Variants in EYS observed in about 807,000 individuals in gnomAD.
The protein encoded by EYS is protein eyes shut homolog.
Under a neutral mutation model 282.1 loss-of-function variants are expected in EYS, and 250 were observed. The ratio of observed to expected loss-of-function variants is 0.89; its 90% CI spans 0.80 to 0.98. EYS has a LOEUF of 0.98. EYS is among the 50% of genes least tolerant of loss of function. The pLI is 0.00. For synonymous variants in EYS, 1,355 were observed against 1,282.9 expected (o/e 1.06, Z -1.20); for missense variants, 4,016 against 3,709.0 (o/e 1.08, Z -2.15).
intron 12 of EYS, among the ~76,000 whole-genome samples, chr6:65,077,798 T>A (rs574178256): frequency 2.3e-4 from 35 of 152,202 alleles, no homozygotes; most frequent in African/African-American, 7.7e-4. Context: ...AAGTAAGATG[T>A]CTATCAAAGT....
At chr6:65,193,145 A>G (rs1320171944) in intron 12 of EYS, among the ~76,000 whole-genome samples, 1 of 151,922 alleles carries the variant, frequency 6.6e-6, no homozygotes, top group Non-Finnish European at 1.5e-5. Flanking sequence ...GAAGTAGAAT[A>G]AATCCTTAAC....
chr6:64,863,441 A>G (rs1344285286), intron 19 of EYS, among the ~76,000 whole-genome samples: 1 of 152,214 alleles, frequency 6.6e-6, no homozygotes, highest in Admixed American at 6.5e-5. Flanking sequence ...TTTACTTCCC[A>G]GATATAGATC....
rs558479807 is a variant in EYS at position 64,712,866 on chromosome 6, G to A, written c.3444-86621C>T. On this transcript the variant is annotated intron_variant, in intron 22 of 42. Transcript: ENST00000503581. ...AACAGAAGACAACTATGCAACAAGA[G>A]AGCCAAATTCTCAAAGGCAATGGAG... Among the ~76,000 whole-genome samples the A allele has an allele frequency of 4.6e-5, 7 of 152,280 alleles. No individual in the cohort carries two copies. In the South Asian group the frequency reaches 1.5e-3, roughly 32 times the overall value.
At chr6:65,441,802 A>T (rs1179152094) in intron 5 of EYS, among the ~76,000 whole-genome samples, 2 of 152,120 alleles carry the variant, frequency 1.3e-5, no homozygotes, top group Non-Finnish European at 2.9e-5. Flanking sequence ...GGACACTGAG[A>T]ACCAGAGAAA....
intron 12 of EYS, among the ~76,000 whole-genome samples, chr6:65,173,321 G>A (rs1765148608): frequency 6.6e-6 from 1 of 151,328 alleles, no homozygotes; most frequent in Non-Finnish European, 1.5e-5. Context: ...ATATTTAGCA[G>A]GAGTGAATGA....
In EYS at chr6:63,900,862, G is replaced by A. The variant is rs537001572; in HGVS notation, c.7056-36504C>T. ...GCTGCACATTCTGGAGGAGACAGAC[G>A]TCATAAATTTAGGCAAGTTTACTAA... On this transcript the variant is annotated intron_variant, in intron 35 of 42. Transcript: ENST00000503581. Among the ~76,000 whole-genome samples, 11 of 152,238 alleles carry A rather than the reference G, an allele frequency of 7.2e-5. No homozygotes were observed. In the South Asian group the frequency reaches 8.3e-4, roughly 11 times the overall value.
At chr6:64,518,779 G>GCCCCC (rs10626520) in intron 26 of EYS, among the ~76,000 whole-genome samples, 57 of 146,872 alleles carry the variant, frequency 3.9e-4, no homozygotes, top group South Asian at 1.5e-3. Flanking sequence ...GTTTATAAGG[G>GCCCCC]GCCCCCCCCT....
chr6:64,608,157 A>G (rs972000604), intron 24 of EYS, among the ~76,000 whole-genome samples: 2 of 152,170 alleles, frequency 1.3e-5, no homozygotes, highest in Admixed American at 6.5e-5. Flanking sequence ...AGTTGTGATT[A>G]ACACCACAAT....
chr6:64,898,428 T>C (rs1471535594), intron 18 of EYS, among the ~76,000 whole-genome samples: 1 of 152,020 alleles, frequency 6.6e-6, no homozygotes, highest in Non-Finnish European at 1.5e-5. Flanking sequence ...CCACCAAGCC[T>C]GCCTTACAAC....
intron 1 of EYS, among the ~76,000 whole-genome samples, chr6:65,662,837 A>AAT: frequency 6.6e-6 from 1 of 152,290 alleles, no homozygotes; most frequent in Non-Finnish European, 1.5e-5. Flanking sequence ...AAGTTAGTCA[A>AAT]GGTTGTTATA....
intron 29 of EYS, among the ~76,000 whole-genome samples, chr6:64,355,096 A>C (rs537217465): frequency 6.6e-6 from 1 of 151,762 alleles, no homozygotes; most frequent in African/African-American, 2.4e-5. Context: ...TACTCATGAA[A>C]TAATAAGTTA....
chr6:64,142,066 AGACCGGACAATAAGTGGTGAAT>A (rs1264639396), intron 31 of EYS, among the ~76,000 whole-genome samples: 2 of 152,110 alleles, frequency 1.3e-5, no homozygotes, highest in African/African-American at 4.8e-5. Flanking sequence ...GGAGCAAAGC[AGACCGGACAATAAGTGGTGAAT>A]GCCTAGGAGT....
Position 63,999,195 on chromosome 6 carries a change from A to G in EYS, c.6726-12T>C, listed in dbSNP as rs545960584. 8.7e-5 allele frequency: 133 copies of G among 1,525,386 alleles called. 2 individuals are homozygous for G. The South Asian group carries it at 1.4e-3, about 17-fold the overall frequency. The allele number at this position is 1,525,386 out of a possible 1,614,324, so 94.5% of individuals were successfully genotyped here. ...CAGGCGTTGTGTAGCTAAACGTAAA[A>G]CAGAAGAGGCCATTATGATATGTGT... On this transcript the variant is annotated splice_polypyrimidine_tract_variant and intron_variant, in intron 33 of 42. Coordinates refer to ENST00000503581, the MANE Select transcript of EYS (RefSeq NM_001142800.2).
At chr6:64,022,816 A>G (rs1052464792) in intron 33 of EYS, among the ~76,000 whole-genome samples, 5 of 152,210 alleles carry the variant, frequency 3.3e-5, no homozygotes, top group African/African-American at 9.6e-5. Flanking sequence ...TTCCTGAAGA[A>G]CAATACATAA....
chr6:64,722,715 C>A (rs1191154459), intron 22 of EYS, among the ~76,000 whole-genome samples: 4 of 152,130 alleles, frequency 2.6e-5, no homozygotes, highest in Non-Finnish European at 4.4e-5. Flanking sequence ...AAAACAAGGT[C>A]TCTTTTTGAC....
At chr6:64,106,708 T>G (rs1336980653) in intron 31 of EYS, among the ~76,000 whole-genome samples, 1 of 151,940 alleles carries the variant, frequency 6.6e-6, no homozygotes, top group Non-Finnish European at 1.5e-5. Flanking sequence ...GGTTTGCGGT[T>G]TGATGTCCGA....
intron 14 of EYS, among the ~76,000 whole-genome samples, chr6:64,964,869 C>T (rs1428811563): frequency 1.3e-5 from 2 of 151,862 alleles, no homozygotes; most frequent in African/African-American, 2.4e-5. Flanking sequence ...CCCATCTCTA[C>T]TAAAAATACA....
rs916624666 is a variant in EYS at position 64,708,468 on chromosome 6, G to A, written c.3444-82223C>T. Among the ~76,000 whole-genome samples the A allele has an allele frequency of 7.9e-5, 12 of 152,104 alleles. No homozygotes were observed. In the East Asian group the frequency reaches 2.3e-3, roughly 29 times the overall value. Reference sequence around the variant, plus strand: ...TGGGGAAGGAAGTCTGATCTACCCAGGTTTGATAAAACTACCTCATTTTGT... The same window carrying A: ...TGGGGAAGGAAGTCTGATCTACCCAAGTTTGATAAAACTACCTCATTTTGT... On this transcript the variant is annotated intron_variant, in intron 22 of 42. Transcript: ENST00000503581.
intron 12 of EYS, among the ~76,000 whole-genome samples, chr6:65,291,203 A>G (rs2150283119): frequency 6.6e-6 from 1 of 151,694 alleles, no homozygotes; most frequent in African/African-American, 2.4e-5. Flanking sequence ...GTAAGCACTC[A>G]ATCTTTTTTT....
Sources: gnomAD v4.1 joint callset for allele counts (sites outside exome capture counted in the v4.1 genomes callset) on GRCh38, gnomAD v4.1.1 for gene constraint, MANE v1.5 for transcripts, NCBI Gene and HGNC (gene_info 2026-07-23, HGNC 2026-07-21) for gene names.